SHISA7: variants seen among roughly 807,000 people sequenced by gnomAD.
The protein encoded by SHISA7 is protein shisa-7.
SHISA7 carries 6 observed loss-of-function variants against 23.9 expected under a neutral mutation model. The ratio of observed to expected loss-of-function variants is 0.25; its 90% CI spans 0.14 to 0.50. The LOEUF is 0.50. SHISA7 is among the 20% of genes least tolerant of loss of function. The pLI is 0.98. For missense variants in SHISA7, 671 were observed against 801.1 expected (o/e 0.84, Z 1.96); for synonymous variants, 386 against 398.3 (o/e 0.97, Z 0.37).
intron 3 of SHISA7, among the ~76,000 whole-genome samples, chr19:55,434,834 G>A (rs1249318534): frequency 2.5e-5 from 3 of 121,518 alleles, no homozygotes; most frequent in Non-Finnish European, 5.1e-5. Flanking sequence ...TGTGTGTGGT[G>A]TGTGGTGTGT....
At chr19:55,435,116 G>GTA (rs1827659149) in intron 3 of SHISA7, among the ~76,000 whole-genome samples, 2 of 123,336 alleles carry the variant, frequency 1.6e-5, no homozygotes, top group African/African-American at 3.0e-5. Context: ...TGTGTGTGGT[G>GTA]TGTGTGGTGT....
Position 55,433,246 on chromosome 19 carries a change from G to A in SHISA7, c.1527C>T (p.Arg509=). The change falls in exon 4 of 4, where the codon CGC becomes CGT. Residue 509 remains arginine, a synonymous_variant. Coordinates refer to ENST00000376325, the MANE Select transcript of SHISA7 (RefSeq NM_001145176.2). The surrounding 1 kb of genome is among the most constrained non-coding windows in gnomAD (Gnocchi z 8.4). The part of the protein sequence containing the change: ...GTLARRPPFQ[R]QGTLEQLQFI... ...ACTGCAGCTGCTCCAGCGTGCCCTG[G>A]CGCTGGAAGGGCGGCCTGCGGGCCA... The A allele has an allele frequency of 2.0e-6, 3 of 1,522,616 alleles. No individual in the cohort carries two copies. Among genetic ancestry groups the A allele is most frequent in the Non-Finnish European group, 2.6e-6 (3 of 1,141,392 alleles). 94.3% of individuals were successfully genotyped at this position (1,522,616 alleles called of 1,614,324 possible). A position where few individuals can be genotyped will look rare whatever the true frequency, so the allele number is the denominator to read the frequency against.
At chr19:55,434,548 GTGTA>G (rs773120710) in intron 3 of SHISA7, among the ~76,000 whole-genome samples, 2 of 130,434 alleles carry the variant, frequency 1.5e-5, no homozygotes, top group South Asian at 2.8e-4. Context: ...GTGGTTGTGT[GTGTA>G]TGGTGTGTGT....
In SHISA7 at chr19:55,440,709, G is replaced by A. The variant is rs1310672616; in HGVS notation, c.728C>T (p.Ala243Val). The change falls in exon 2 of 4, where the codon GCC becomes GTC. Residue 243 changes from alanine (A) to valine (V), a missense_variant. Physicochemically the swap from Ala to Val is moderately conservative, Grantham distance 64. This residue lies in a region of SHISA7 where 457 missense variants were observed against 488.3 expected (regional missense o/e 0.94). Transcript: ENST00000376325. Reference sequence around the variant, plus strand: ...CCCCGGGGTCAGGGAGCTGCTTCGGGCCCGGTCCGGGCGGGTCCCAGGCCC... The same window carrying A: ...CCCCGGGGTCAGGGAGCTGCTTCGGACCCGGTCCGGGCGGGTCCCAGGCCC... ...QAGPGTRPDR[A>V]RSSSLTPGIG... is the part of the protein sequence containing the mutation. The A allele has an allele frequency of 4.0e-6, 5 of 1,248,730 alleles. No individual in the cohort carries two copies. The East Asian group carries it at 1.6e-4, about 39-fold the overall frequency. The allele number at this position is 1,248,730 out of a possible 1,614,324, so 77.4% of individuals were successfully genotyped here.
intron 3 of SHISA7, among the ~76,000 whole-genome samples, chr19:55,434,300 GGTGTGTGTGTGGT>G (rs1985298629): frequency 1.7e-5 from 2 of 116,526 alleles, no homozygotes; most frequent in South Asian, 2.9e-4. Context: ...GTGTATATGT[GGTGTGTGTGTGGT>G]GTGTGTGTGT....
In SHISA7 at chr19:55,433,890, T is replaced by C. The variant is rs1255491517; in HGVS notation, c.977-94A>G. On this transcript the variant is annotated intron_variant, in intron 3 of 3. Transcript: ENST00000376325. This position sits in a 1 kb window ranked among gnomAD's most constrained non-coding sequence, Gnocchi z 8.4. Reference sequence around the variant, plus strand: ...TCGTCACATCCCGCTCCTATGCTCCTTGTGCCCCCACAAGGATCCTGGGCA... The same window carrying C: ...TCGTCACATCCCGCTCCTATGCTCCCTGTGCCCCCACAAGGATCCTGGGCA... 3.1e-6 allele frequency: 4 copies of C among 1,288,894 alleles called. No homozygotes were observed. The African/African-American group carries it at 6.3e-5, about 20-fold the overall frequency. The allele number at this position is 1,288,894 out of a possible 1,614,324, so 79.8% of individuals were successfully genotyped here.
chr19:55,438,434 G>A (rs954608863), intron 2 of SHISA7: 12 of 800,974 alleles, frequency 1.5e-5, no homozygotes, highest in East Asian at 6.5e-5. Context: ...GACCATGAGC[G>A]CCATGAGGAC....
intron 3 of SHISA7, among the ~76,000 whole-genome samples, chr19:55,435,748 A>T (rs911294214): frequency 6.8e-6 from 1 of 146,688 alleles, no homozygotes; most frequent in African/African-American, 2.5e-5. Flanking sequence ...TGGGCAAAAG[A>T]GTGAGACCTT....
chr19:55,437,141 C>G (rs551181894), intron 3 of SHISA7, among the ~76,000 whole-genome samples: 8 of 152,080 alleles, frequency 5.3e-5, no homozygotes, highest in Admixed American at 1.3e-4. Context: ...GCCAGGGTCC[C>G]TGAGCTGGTA....
At chr19:55,441,982 T>C (rs926620321) in intron 1 of SHISA7, among the ~76,000 whole-genome samples, 1 of 152,176 alleles carries the variant, frequency 6.6e-6, no homozygotes, top group Non-Finnish European at 1.5e-5. Flanking sequence ...GAGTCTGGGC[T>C]TCTCCCTCTC....
chr19:55,440,498 G>A (rs1985571942), intron 2 of SHISA7, 113 bp downstream of exon 2: 1 of 1,007,088 alleles, frequency 9.9e-7, no homozygotes, highest in Non-Finnish European at 1.3e-6. Context: ...CGGGCGTAGG[G>A]GGTGAGGGCG....
rs1446338983 is a variant in SHISA7, at chr19:55,442,922, T to G, written c.-59A>C. ...CTGCGGGGAGAACGAGAGCAGAGGT[T>G]GGAGCGCTGGGCGGGAGAGAAACGG... On this transcript the variant is annotated 5_prime_UTR_variant, in exon 1 of 4. Transcript: ENST00000376325. The G allele has an allele frequency of 1.0e-6, 1 of 1,000,922 alleles. No homozygotes were observed. The highest frequency in any genetic ancestry group is 2.0e-5 in the African/African-American group (1 of 50,914). The allele number at this position is 1,000,922 out of a possible 1,614,324, so 62.0% of individuals were successfully genotyped here. A position where few individuals can be genotyped will look rare whatever the true frequency, so the allele number is the denominator to read the frequency against.
At chr19:55,435,662 G>A (rs1985443106) in intron 3 of SHISA7, among the ~76,000 whole-genome samples, 1 of 150,818 alleles carries the variant, frequency 6.6e-6, no homozygotes, top group Non-Finnish European at 1.5e-5. Context: ...TACTCGGGAG[G>A]CTGACGTCGG....
At chr19:55,440,285 G>T (rs1422141874) in intron 2 of SHISA7, among the ~76,000 whole-genome samples, 1 of 152,180 alleles carries the variant, frequency 6.6e-6, no homozygotes, top group East Asian at 1.9e-4. Flanking sequence ...TTCGAATTTG[G>T]TAGTTGTGCC....
intron 2 of SHISA7, 112 bp from the exon 3 acceptor site, chr19:55,437,866 C>T: frequency 7.5e-7 from 1 of 1,333,090 alleles, no homozygotes; most frequent in South Asian, 1.5e-5. Context: ...CCCAGCCCCT[C>T]TTCCTTCAGA....
chr19:55,440,703 C>T lies in SHISA7; in HGVS notation c.734G>A (p.Ser245Asn). The T allele has an allele frequency of 8.0e-7, 1 of 1,249,326 alleles. No homozygotes were observed. Among genetic ancestry groups the T allele is most frequent in the Non-Finnish European group, 1.0e-6 (1 of 988,452 alleles). The allele number at this position is 1,249,326 out of a possible 1,614,324, so 77.4% of individuals were successfully genotyped here. The change falls in exon 2 of 4, where the codon AGC becomes AAC. Residue 245 changes from serine (S) to asparagine (N), a missense_variant. This residue lies in a region of SHISA7 where 457 missense variants were observed against 488.3 expected (regional missense o/e 0.94). Coordinates refer to ENST00000376325, the MANE Select transcript of SHISA7 (RefSeq NM_001145176.2). ...GPGTRPDRAR[S>N]SSLTPGIGGP... ...GCCGATCCCCGGGGTCAGGGAGCTG[C>T]TTCGGGCCCGGTCCGGGCGGGTCCC...
rs1281552797 is a variant in SHISA7, at chr19:55,432,475, C to T, written c.*681G>A. On this transcript the variant is annotated 3_prime_UTR_variant, in exon 4 of 4. Transcript: ENST00000376325. This position sits in a 1 kb window ranked among gnomAD's most constrained non-coding sequence, Gnocchi z 4.6. ...TGGCATCACAGGAAGGAGGCAGGGT[C>T]CCTGTGATGATGTTGTGAAAAGGGG... is the stretch of plus-strand genomic sequence containing the variant. 3 of 152,548 alleles carry T rather than the reference C, an allele frequency of 2.0e-5. No homozygotes were observed. The highest frequency in any genetic ancestry group is 2.9e-5 in the Non-Finnish European group (2 of 68,016). The allele number at this position is 152,548 out of a possible 1,614,324, so 9.4% of individuals were successfully genotyped here.
intron 1 of SHISA7, among the ~76,000 whole-genome samples, chr19:55,441,126 A>C (rs1423443989): frequency 6.6e-6 from 1 of 152,148 alleles, no homozygotes; most frequent in Non-Finnish European, 1.5e-5. Flanking sequence ...GCGGACCTCA[A>C]ACATTAAATC....
intron 2 of SHISA7, chr19:55,438,436 C>T (rs1336496234): frequency 1.6e-5 from 13 of 834,064 alleles, no homozygotes; most frequent in South Asian, 1.3e-4. Flanking sequence ...CCATGAGCGC[C>T]ATGAGGACTG....
Sources: allele counts gnomAD v4.1 joint callset (sites outside exome capture counted in the v4.1 genomes callset), GRCh38; gene constraint gnomAD v4.1.1; regional missense constraint gnomAD v4.1.1; non-coding constraint Gnocchi (gnomAD v3.1); transcripts MANE v1.5; gene names NCBI Gene and HGNC (gene_info 2026-07-23, HGNC 2026-07-21).